DGKK: variants seen among roughly 807,000 people sequenced by gnomAD.
The protein encoded by DGKK is diacylglycerol kinase kappa.
Under a neutral mutation model 92.2 loss-of-function variants are expected in DGKK, and 35 were observed. That is an observed-to-expected ratio of 0.38 (90% confidence interval 0.29 to 0.50). The LOEUF (loss-of-function observed/expected upper bound fraction) is 0.50, where lower values mean the gene tolerates loss of function less well. DGKK is among the 20% of genes least tolerant of loss of function. The pLI, the probability that DGKK is intolerant of heterozygous loss-of-function variation, is 0.92. For missense variants in DGKK, 910 were observed against 992.2 expected, an observed-to-expected ratio of 0.92 and a Z score of 1.11; for synonymous variants, 368 against 360.6, an observed-to-expected ratio of 1.02 and a Z score of -0.23.
chrX:50,433,066 C>T (rs1408475861), intron 1 of DGKK, among the ~76,000 whole-genome samples: 1 of 111,942 alleles, frequency 8.9e-6, no homozygotes, highest in Admixed American at 9.5e-5. Flanking sequence ...CCCAGAACTA[C>T]TTATAGGTTT....
chrX:50,386,985 G>A (rs1350596848), intron 14 of DGKK, among the ~76,000 whole-genome samples: 1 of 111,063 alleles, frequency 9.0e-6, no homozygotes, highest in Non-Finnish European at 1.9e-5. Flanking sequence ...CTTGGTGTGT[G>A]TCTTTGTATG....
chrX:50,405,452 G>T (rs1925126288), intron 4 of DGKK, among the ~76,000 whole-genome samples: 1 of 110,770 alleles, frequency 9.0e-6, no homozygotes, highest in African/African-American at 3.3e-5. Flanking sequence ...ACATTATAAT[G>T]AGTTGGGTGT....
At chrX:50,465,606 C>T (rs1483038855) in intron 1 of DGKK, among the ~76,000 whole-genome samples, 1 of 110,854 alleles carries the variant, frequency 9.0e-6, no homozygotes, top group Non-Finnish European at 1.9e-5. Flanking sequence ...AGGGTCTCTG[C>T]CTCTTCTCGT....
At chrX:50,369,979 T>C (rs782694562) in intron 27 of DGKK, among the ~76,000 whole-genome samples, 1 of 112,155 alleles carries the variant, frequency 8.9e-6, no homozygotes, top group African/African-American at 3.2e-5. Flanking sequence ...GAGAACCTTC[T>C]TTTGAATCCT....
At chrX:50,457,154 C>T (rs1387592202) in intron 1 of DGKK, among the ~76,000 whole-genome samples, 3 of 111,742 alleles carry the variant, frequency 2.7e-5, no homozygotes, top group Non-Finnish European at 5.6e-5. Flanking sequence ...ATATGCCTCA[C>T]AGACACGAAC....
At chrX:50,369,145 A>G (rs1924048638) in intron 27 of DGKK, 126 bp from the exon 28 acceptor site, 1 of 437,881 alleles carries the variant, frequency 2.3e-6, no homozygotes. Context: ...TATTGTACTA[A>G]CCATCTCTGA....
intron 1 of DGKK, among the ~76,000 whole-genome samples, chrX:50,459,714 AGTTTGCACTAGAGGT>A (rs1926697739): frequency 2.7e-5 from 3 of 111,526 alleles, no homozygotes; most frequent in Non-Finnish European, 5.6e-5. Flanking sequence ...AGAGTTAAGT[AGTTTGCACTAGAGGT>A]GAGGTAGGGA....
intron 1 of DGKK, among the ~76,000 whole-genome samples, chrX:50,455,642 A>G (rs1330458914): frequency 9.0e-6 from 1 of 111,702 alleles, no homozygotes; most frequent in African/African-American, 3.3e-5. Flanking sequence ...CACATTAATA[A>G]TATTCCCCTC....
intron 1 of DGKK, among the ~76,000 whole-genome samples, chrX:50,466,375 A>G (rs1485910164): frequency 9.0e-6 from 1 of 111,565 alleles, no homozygotes; most frequent in Non-Finnish European, 1.9e-5. Flanking sequence ...CTTAGGAAAA[A>G]AATTTATTAT....
intron 5 of DGKK, 71 bp from the exon 6 acceptor site, chrX:50,403,668 G>T: frequency 4.4e-6 from 4 of 916,921 alleles, no homozygotes; most frequent in Non-Finnish European, 6.3e-6. Flanking sequence ...TCTTCCCAAA[G>T]CTGCTCTGAA....
At chrX:50,373,925 A>G (rs782449553) in intron 25 of DGKK, among the ~76,000 whole-genome samples, 3 of 112,011 alleles carry the variant, frequency 2.7e-5, no homozygotes, top group Non-Finnish European at 5.6e-5. Context: ...TTCTCCCTAG[A>G]ACTAACAAAA....
chrX:50,427,155 A>T (rs368637056), intron 1 of DGKK, among the ~76,000 whole-genome samples: 66 of 112,146 alleles, frequency 5.9e-4, no homozygotes, highest in East Asian at 2.8e-3. Flanking sequence ...AGACAATGGA[A>T]TGTTATCCAG....
intron 4 of DGKK, among the ~76,000 whole-genome samples, chrX:50,416,442 G>T (rs1925435913): frequency 8.9e-6 from 1 of 112,456 alleles, no homozygotes; most frequent in Non-Finnish European, 1.9e-5. Context: ...TTAAGTGTTT[G>T]CAAAGTACAT....
chrX:50,382,754 T>C (rs989660696), intron 17 of DGKK, among the ~76,000 whole-genome samples, 151 bp from the exon 18 acceptor site: 1 of 111,654 alleles, frequency 9.0e-6, no homozygotes, highest in Non-Finnish European at 1.9e-5. Flanking sequence ...GAGAGGCACA[T>C]GTAGATATCC....
At chrX:50,469,290 C>T (rs1461318456) in intron 1 of DGKK, among the ~76,000 whole-genome samples, 2 of 112,193 alleles carry the variant, frequency 1.8e-5, no homozygotes, top group African/African-American at 3.2e-5. Flanking sequence ...TGCCAGTTGC[C>T]CCGTTTGTGA....
At chrX:50,406,442 C>T (rs1167254010) in intron 4 of DGKK, among the ~76,000 whole-genome samples, 1 of 111,224 alleles carries the variant, frequency 9.0e-6, no homozygotes, top group South Asian at 3.8e-4. Flanking sequence ...GGGGTTTAAC[C>T]GATATAATCA....
chrX:50,441,211 GTC>G (rs1476146403), intron 1 of DGKK, among the ~76,000 whole-genome samples: 2 of 111,617 alleles, frequency 1.8e-5, no homozygotes, highest in African/African-American at 6.5e-5. Context: ...AAAGGGGACA[GTC>G]TCTCTTACCT....
At chrX:50,390,202 A>G in intron 12 of DGKK, 126 bp downstream of exon 12, 1 of 562,828 alleles carries the variant, frequency 1.8e-6, no homozygotes, top group South Asian at 3.1e-5. Flanking sequence ...GCTGACTGAC[A>G]TGTCACCAAC....
chrX:50,431,913 C>T (rs1011501480), intron 1 of DGKK, among the ~76,000 whole-genome samples: 35 of 111,385 alleles, frequency 3.1e-4, no homozygotes, highest in Middle Eastern at 4.6e-3. Flanking sequence ...ATTTCCTTGT[C>T]TGTTAGATGA....
Sources: allele counts gnomAD v4.1 joint callset (sites outside exome capture counted in the v4.1 genomes callset), GRCh38; gene constraint gnomAD v4.1.1; transcripts MANE v1.5; gene names NCBI Gene and HGNC (gene_info 2026-07-23, HGNC 2026-07-21).